The following UACA variants were observed in gnomAD, a reference collection of about 807,000 sequenced individuals.
UACA encodes uveal autoantigen with coiled-coil domains and ankyrin repeats, also known as nuclear membrane binding protein.
In UACA, 112 loss-of-function variants were observed where a neutral mutation model predicts 160.5. The observed-to-expected ratio is 0.70, with a 90% CI of 0.60 to 0.82. The LOEUF (loss-of-function observed/expected upper bound fraction) is 0.82. UACA is among the 40% of genes least tolerant of loss of function. The pLI is 0.00. For synonymous variants in UACA, 557 were observed against 568.4 expected (o/e 0.98, Z 0.29); for missense variants, 1,574 against 1,614.6 (o/e 0.97, Z 0.43).
upstream of UACA, among the ~76,000 whole-genome samples, chr15:70,766,332 T>C (rs553041015): frequency 2.0e-5 from 3 of 152,336 alleles, no homozygotes; most frequent in East Asian, 5.8e-4. Flanking sequence ...TTAACTCTTA[T>C]CACTATTATT....
rs886332937 is a variant in UACA at position 70,699,607 on chromosome 15, C to T, written c.132G>A (p.Arg44=). 2 of 1,611,330 alleles carry T rather than the reference C, an allele frequency of 1.2e-6. No individual in the cohort carries two copies. The highest frequency in any genetic ancestry group is 1.6e-4 in the Middle Eastern group (1 of 6,080). Reference sequence around the variant, plus strand: ...TTGAGGTCACTTTTTCTACATCCCCCCTTTCTGCTGCTTTCATCAATCGGT... The same window carrying T: ...TTGAGGTCACTTTTTCTACATCCCCTCTTTCTGCTGCTTTCATCAATCGGT... ...YDDRLMKAAE[R]GDVEKVTSIL... is the part of the protein sequence containing the mutation. The change falls in exon 2 of 19, where the codon AGG becomes AGA. Residue 44 remains arginine (R), a synonymous_variant. Coordinates refer to ENST00000322954, the MANE Select transcript of UACA (RefSeq NM_018003.4).
chr15:70,773,272 A>G, the UACA span, among the ~76,000 whole-genome samples: 2 of 152,198 alleles, frequency 1.3e-5, no homozygotes, highest in Non-Finnish European at 2.9e-5. Context: ...GGTGTTATTA[A>G]TAGCTTTCAC....
intron 1 of UACA, chr15:70,703,283 T>C: frequency 7.8e-7 from 1 of 1,286,166 alleles, no homozygotes; most frequent in South Asian, 1.2e-5. Flanking sequence ...TTCATGGGAA[T>C]GCAAAACATT....
At chr15:70,703,304 T>A in intron 1 of UACA, 1 of 1,279,472 alleles carries the variant, frequency 7.8e-7, no homozygotes, top group Non-Finnish European at 1.0e-6. Context: ...CCAACACAAG[T>A]GTTTACAGGA....
chr15:70,708,767 G>A (rs945263274), intron 1 of UACA, among the ~76,000 whole-genome samples: 2 of 152,044 alleles, frequency 1.3e-5, no homozygotes, highest in Non-Finnish European at 2.9e-5. Context: ...CACTGTGCCC[G>A]GCCAGCCTAT....
chr15:70,729,720 G>T (rs1899260157), intron 1 of UACA, among the ~76,000 whole-genome samples: 1 of 142,998 alleles, frequency 7.0e-6, no homozygotes, highest in African/African-American at 2.9e-5. Context: ...GAGCGACGCA[G>T]AAGACGGTGA....
chr15:70,678,344 C>A (rs1037224539), intron 10 of UACA, 138 bp from the exon 11 acceptor site: 2 of 512,324 alleles, frequency 3.9e-6, no homozygotes, highest in East Asian at 3.1e-5. Flanking sequence ...ACAATAATTT[C>A]AATGATATGC....
At chr15:70,687,395 G>A (rs1375551803) in intron 7 of UACA, 145 bp downstream of exon 7, 2 of 666,252 alleles carry the variant, frequency 3.0e-6, no homozygotes, top group Non-Finnish European at 5.2e-6. Flanking sequence ...ACAAGTAGAT[G>A]TTAATTCCAA....
intron 1 of UACA, among the ~76,000 whole-genome samples, chr15:70,762,927 G>A (rs908414219): frequency 3.3e-5 from 5 of 152,206 alleles, no homozygotes; most frequent in Admixed American, 2.0e-4. Flanking sequence ...CGGGGACTGG[G>A]GAGCCAACAC....
intron 12 of UACA, 83 bp downstream of exon 12, chr15:70,677,025 A>T: frequency 1.9e-6 from 2 of 1,026,824 alleles, no homozygotes; most frequent in Non-Finnish European, 2.9e-6. Flanking sequence ...TCTCTATCTC[A>T]ATTCAGGACT....
chr15:70,717,374 T>G (rs926118822), intron 1 of UACA, among the ~76,000 whole-genome samples: 1 of 152,214 alleles, frequency 6.6e-6, no homozygotes, highest in Non-Finnish European at 1.5e-5. Flanking sequence ...TTTGGCAAAC[T>G]TTTTCAGTAA....
intron 1 of UACA, among the ~76,000 whole-genome samples, chr15:70,762,068 C>T (rs928443892): frequency 6.6e-6 from 1 of 151,674 alleles, no homozygotes; most frequent in Non-Finnish European, 1.5e-5. Flanking sequence ...AAAAGTGAAA[C>T]AAAGTAATCT....
intron 17 of UACA, chr15:70,661,698 G>C (rs998037770): frequency 2.6e-5 from 4 of 152,142 alleles, no homozygotes; most frequent in African/African-American, 7.2e-5. Flanking sequence ...CAGATACTCA[G>C]GAAGCTGAGG....
At chr15:70,669,552 A>G in intron 15 of UACA, 90 bp from the exon 16 acceptor site, 1 of 995,402 alleles carries the variant, frequency 1.0e-6, no homozygotes, top group South Asian at 1.9e-5. Flanking sequence ...AAGTTAGCAC[A>G]TCATCAGGAA....
At chr15:70,694,748 G>C (rs1898067488) in intron 3 of UACA, among the ~76,000 whole-genome samples, 1 of 152,048 alleles carries the variant, frequency 6.6e-6, no homozygotes, top group Non-Finnish European at 1.5e-5. Flanking sequence ...TTCAAAATCT[G>C]AGATTCTAGG....
chr15:70,751,691 C>T (rs2030068831), intron 1 of UACA, among the ~76,000 whole-genome samples: 1 of 152,132 alleles, frequency 6.6e-6, no homozygotes, highest in Non-Finnish European at 1.5e-5. Context: ...GAGTTTGACC[C>T]TGTATCATCA....
chr15:70,759,125 A>G (rs897753338), intron 1 of UACA, among the ~76,000 whole-genome samples: 2 of 152,166 alleles, frequency 1.3e-5, no homozygotes, highest in African/African-American at 4.8e-5. Context: ...TCCAATTTAA[A>G]GTGGAATCCC....
chr15:70,710,873 G>A lies in UACA; in HGVS notation c.79-11213C>T, dbSNP rs574693910. On this transcript the variant is annotated intron_variant, in intron 1 of 18. Coordinates refer to ENST00000322954, the MANE Select transcript of UACA (RefSeq NM_018003.4). ...CCTGTCCTTTTGGGGCTTTCACGGA[G>A]GCTACATTGCATAGGCATGACTTTT... 2.6e-5 allele frequency among the ~76,000 whole-genome samples: 4 copies of A among 152,302 alleles called. No homozygotes were observed. The East Asian group carries it at 7.7e-4, about 29-fold the overall frequency.
At chr15:70,773,191 A>C in the UACA span, among the ~76,000 whole-genome samples, 1 of 152,146 alleles carries the variant, frequency 6.6e-6, no homozygotes, top group Non-Finnish European at 1.5e-5. Context: ...TCAAAGATCA[A>C]CCCTACCAAA....
Sources: allele counts gnomAD v4.1 joint callset (sites outside exome capture counted in the v4.1 genomes callset), GRCh38; gene constraint gnomAD v4.1.1; transcripts MANE v1.5; gene names NCBI Gene and HGNC (gene_info 2026-07-23, HGNC 2026-07-21).